Variants in CLOCK observed in about 807,000 individuals in gnomAD.
CLOCK encodes clock circadian regulator, also known as circadian locomoter output cycles protein kaput.
A neutral mutation model predicts 118.4 loss-of-function variants in CLOCK; 43 were observed. The observed-to-expected ratio is 0.36, with a 90% confidence interval of 0.28 to 0.47. The LOEUF is 0.47. Among genes scored for constraint, CLOCK ranks in the 20% least tolerant of loss-of-function variants. The probability of loss-of-function intolerance (pLI) is 1.00; values close to 1 mark genes in which losing one functional copy is unlikely to be tolerated. For missense variants in CLOCK, 846 were observed against 999.9 expected, an observed-to-expected ratio of 0.85 and a Z score of 2.08; for synonymous variants, 326 against 339.2, an observed-to-expected ratio of 0.96 and a Z score of 0.43.
chr4:55,542,376 A>ATTAT (rs1731334238), intron 1 of CLOCK, among the ~76,000 whole-genome samples: 1 of 51,626 alleles, frequency 1.9e-5, no homozygotes. Flanking sequence ...AATAATAATA[A>ATTAT]TAATATTATT....
chr4:55,451,159 G>A (rs1212308051), intron 15 of CLOCK, among the ~76,000 whole-genome samples: 3 of 151,862 alleles, frequency 2.0e-5, no homozygotes, highest in African/African-American at 7.3e-5. Flanking sequence ...CCCCATCCTG[G>A]AAAACTGTCT....
chr4:55,524,400 AAAAAAC>A (rs200238912), intron 1 of CLOCK, among the ~76,000 whole-genome samples: 8 of 152,112 alleles, frequency 5.3e-5, no homozygotes, highest in South Asian at 2.1e-4. Context: ...CTCTGTCTCA[AAAAAAC>A]AAAAACAAAA....
intron 1 of CLOCK, among the ~76,000 whole-genome samples, chr4:55,526,855 G>A (rs1012080358): frequency 6.7e-6 from 1 of 150,258 alleles, no homozygotes; most frequent in South Asian, 2.1e-4. Flanking sequence ...GCTGAGGCAA[G>A]AGAATGGCAT....
At chr4:55,488,762 G>T (rs1026117495) in intron 3 of CLOCK, among the ~76,000 whole-genome samples, 1 of 152,094 alleles carries the variant, frequency 6.6e-6, no homozygotes, top group Non-Finnish European at 1.5e-5. Flanking sequence ...GTAAGACAAG[G>T]TCTCACTCTG....
chr4:55,524,582 T>G (rs1730054427), intron 1 of CLOCK, among the ~76,000 whole-genome samples: 1 of 152,238 alleles, frequency 6.6e-6, no homozygotes, highest in African/African-American at 2.4e-5. Flanking sequence ...GAGATTTTGC[T>G]TAATTCATTT....
Position 55,435,279 on chromosome 4 carries a change from A to T in CLOCK, c.*136T>A. On this transcript the variant is annotated 3_prime_UTR_variant, in exon 23 of 23. Coordinates refer to ENST00000513440, the MANE Select transcript of CLOCK (RefSeq NM_004898.4). ...CTAGGCAGCATTTTCTCTGCCAACT[A>T]ATTCCAGGAACTAGAACACTCAATA... 9.7e-7 allele frequency: 1 copy of T among 1,035,664 alleles called. No individual in the cohort carries two copies. 64.2% of individuals were successfully genotyped at this position (1,035,664 alleles called of 1,614,324 possible). A position where few individuals can be genotyped will look rare whatever the true frequency, so the allele number is the denominator to read the frequency against.
intron 13 of CLOCK, 104 bp from the exon 14 acceptor site, chr4:55,453,928 T>C (rs2109775045): frequency 1.2e-6 from 1 of 857,812 alleles, no homozygotes; most frequent in East Asian, 2.7e-5. Flanking sequence ...CATACTATTA[T>C]TTTTCTGGCC....
rs181882342 is a variant in CLOCK at position 55,483,239 on chromosome 4, C to T, written c.-43-411G>A. On this transcript the variant is annotated intron_variant, in intron 3 of 22. Coordinates refer to ENST00000513440, the MANE Select transcript of CLOCK (RefSeq NM_004898.4). ...GCACATAACAGTGAAAGACACAGTC[C>T]CTGTAGGAAAAATTTGCAATTGAGC... 1.4e-4 allele frequency among the ~76,000 whole-genome samples: 22 copies of T among 152,018 alleles called. No homozygotes were observed. In the East Asian group the frequency reaches 3.9e-3, roughly 27 times the overall value.
chr4:55,453,466 A>C (rs1724649200), intron 14 of CLOCK: 1 of 499,010 alleles, frequency 2.0e-6, no homozygotes, highest in Non-Finnish European at 3.5e-6. Context: ...GCTGTAAAGC[A>C]CAAAATTTAT....
At chr4:55,507,485 T>C (rs978206199) in intron 2 of CLOCK, among the ~76,000 whole-genome samples, 6 of 151,994 alleles carry the variant, frequency 3.9e-5, no homozygotes, top group Non-Finnish European at 7.4e-5. Flanking sequence ...TGGTGGCGCA[T>C]GCTTGTAGTC....
At chr4:55,490,804 C>G (rs1727622933) in intron 2 of CLOCK, among the ~76,000 whole-genome samples, 1 of 152,096 alleles carries the variant, frequency 6.6e-6, no homozygotes, top group Admixed American at 6.6e-5. Flanking sequence ...AGACGTGGAA[C>G]CTTCAGATGC....
chr4:55,529,696 A>G (rs559434152), intron 1 of CLOCK, among the ~76,000 whole-genome samples: 92 of 152,354 alleles, frequency 6.0e-4, no homozygotes, highest in African/African-American at 2.1e-3. Context: ...AGGTATTATT[A>G]TCCTCATTTT....
At chr4:55,450,696 G>A (rs148987240) in intron 15 of CLOCK, among the ~76,000 whole-genome samples, 1,921 of 152,062 alleles carry the variant, frequency 0.013, 45 homozygotes, top group African/African-American at 0.043. Flanking sequence ...CTGAACTGAG[G>A]AGGCGGAGGA....
chr4:55,430,713 TTATTA>T lies in CLOCK; in HGVS notation c.*4697_*4701del, dbSNP rs1722441186. ...AAAACACTCAGAATAATTCTTGAAA[TTATTA>T]TATTCTAAAATGTTACTAGCAATCA... On this transcript the variant is annotated 3_prime_UTR_variant, in exon 23 of 23. Coordinates refer to ENST00000513440, the MANE Select transcript of CLOCK (RefSeq NM_004898.4). 6.6e-6 allele frequency: 1 copy of T among 152,174 alleles called. No individual in the cohort carries two copies. The highest frequency in any genetic ancestry group is 6.5e-5 in the Admixed American group (1 of 15,268). 9.4% of individuals were successfully genotyped at this position (152,174 alleles called of 1,614,324 possible). A position where few individuals can be genotyped will look rare whatever the true frequency, so the allele number is the denominator to read the frequency against.
rs1560402827 is a variant in CLOCK at position 55,430,269 on chromosome 4, C to A, written c.*5146G>T. The A allele has an allele frequency of 6.6e-6, 1 of 152,086 alleles. No individual in the cohort carries two copies. Among genetic ancestry groups the A allele is most frequent in the Non-Finnish European group, 1.5e-5 (1 of 68,018 alleles). The allele number at this position is 152,086 out of a possible 1,614,324, so 9.4% of individuals were successfully genotyped here. A position where few individuals can be genotyped will look rare whatever the true frequency, so the allele number is the denominator to read the frequency against. ...GTCTCTCCATAAACTATATCCTATT[C>A]CACTAAATAATGTTTCCCTGAGGAA... is the stretch of plus-strand genomic sequence containing the variant. On this transcript the variant is annotated 3_prime_UTR_variant, in exon 23 of 23. Coordinates refer to ENST00000513440, the MANE Select transcript of CLOCK (RefSeq NM_004898.4).
At position 55,469,977 on chromosome 4, in the gene CLOCK, A is replaced by G. The variant is rs541405738; in HGVS notation, c.438+740T>C. On this transcript the variant is annotated intron_variant, in intron 8 of 22. Transcript: ENST00000513440. ...CCAGCCTTGGCTTCCCAAAGTATTA[A>G]GCTAAGTGTTACTACAAGAGTAAAA... 1.2e-4 allele frequency among the ~76,000 whole-genome samples: 19 copies of G among 152,326 alleles called. 2 individuals are homozygous for G. The South Asian group carries it at 3.9e-3, about 32-fold the overall frequency.
intron 1 of CLOCK, among the ~76,000 whole-genome samples, chr4:55,526,977 G>A (rs1314895613): frequency 1.4e-5 from 2 of 141,068 alleles, no homozygotes; most frequent in Non-Finnish European, 3.1e-5. Flanking sequence ...TAAAAACTCC[G>A]TAATGAGGCA....
At chr4:55,515,173 T>C (rs1199577163) in intron 1 of CLOCK, among the ~76,000 whole-genome samples, 1 of 152,160 alleles carries the variant, frequency 6.6e-6, no homozygotes, top group Non-Finnish European at 1.5e-5. Flanking sequence ...GGGCACAGAG[T>C]TGTTCATAAT....
intron 8 of CLOCK, 74 bp downstream of exon 8, chr4:55,470,643 C>A: frequency 1.9e-6 from 2 of 1,048,622 alleles, no homozygotes; most frequent in Non-Finnish European, 3.0e-6. Context: ...CTCTCAAAGT[C>A]CACTTCCCAG....
Sources: gnomAD v4.1 joint callset for allele counts (sites outside exome capture counted in the v4.1 genomes callset) on GRCh38, gnomAD v4.1.1 for gene constraint, MANE v1.5 for transcripts, NCBI Gene and HGNC (gene_info 2026-07-23, HGNC 2026-07-21) for gene names.